RNF10: variants seen among roughly 807,000 people sequenced by gnomAD.
RNF10 encodes ring finger protein 10.
Under a neutral mutation model 91.4 loss-of-function variants are expected in RNF10, and 38 were observed. The observed-to-expected ratio is 0.42, with a 90% CI of 0.32 to 0.54. The LOEUF (loss-of-function observed/expected upper bound fraction) is 0.54. Among genes scored for constraint, RNF10 ranks in the 20% least tolerant of loss-of-function variants. RNF10 has a pLI of 0.16. For missense variants in RNF10, 945 were observed against 1,012.0 expected, an observed-to-expected ratio of 0.93 and a Z score of 0.90; for synonymous variants, 364 against 366.3, an observed-to-expected ratio of 0.99 and a Z score of 0.07.
intron 4 of RNF10, among the ~76,000 whole-genome samples, chr12:120,555,636 C>T (rs1448907147): frequency 2.6e-5 from 4 of 151,938 alleles, no homozygotes; most frequent in African/African-American, 9.7e-5. Flanking sequence ...TACAGGCACG[C>T]ACCACCACTC....
intron 3 of RNF10, among the ~76,000 whole-genome samples, chr12:120,553,545 C>T (rs763106217): frequency 7.2e-5 from 11 of 151,816 alleles, no homozygotes; most frequent in Admixed American, 2.6e-4. Context: ...GCTGGGACTA[C>T]AGGCGCCCAC....
chr12:120,556,530 CAAAAAAAAAA>C (rs34889649), intron 4 of RNF10, among the ~76,000 whole-genome samples: 3 of 19,206 alleles, frequency 1.6e-4, no homozygotes, highest in African/African-American at 6.6e-4. Context: ...GACTCCGTCT[CAAAAAAAAAA>C]AAAAAAAAAA....
chr12:120,552,423 A>C, intron 2 of RNF10, 76 bp from the exon 3 acceptor site: 1 of 1,228,530 alleles, frequency 8.1e-7, no homozygotes, highest in Non-Finnish European at 1.2e-6. Context: ...GTGTAAAAGG[A>C]GGGTTTTTTT....
At chr12:120,572,645 G>C (rs1405647694) in intron 14 of RNF10, among the ~76,000 whole-genome samples, 1 of 151,902 alleles carries the variant, frequency 6.6e-6, no homozygotes, top group Non-Finnish European at 1.5e-5. Context: ...CCCAAGGCTG[G>C]AGTGCAATGG....
At position 120,534,546 on chromosome 12, in the gene RNF10, C is replaced by T. The variant is rs1870436432; in HGVS notation, c.-266C>T. ...GCAACCTCCCTCGCCTCCCCTTCCCCCGCAGCCTCCGCCCCGCCAGGCCCG... is the reference window on the plus strand; with the variant it reads ...GCAACCTCCCTCGCCTCCCCTTCCCTCGCAGCCTCCGCCCCGCCAGGCCCG... On this transcript the variant is annotated 5_prime_UTR_variant, in exon 1 of 17. Transcript: ENST00000325954. The T allele has an allele frequency of 1.7e-6, 1 of 591,434 alleles. No homozygotes were observed. The highest frequency in any genetic ancestry group is 2.4e-6 in the Non-Finnish European group (1 of 414,808). The allele number at this position is 591,434 out of a possible 1,614,324, so 36.6% of individuals were successfully genotyped here.
chr12:120,571,134 G>GT, intron 13 of RNF10, 57 bp from the exon 14 acceptor site: 1 of 1,196,152 alleles, frequency 8.4e-7, no homozygotes. Flanking sequence ...CATCTCTCTT[G>GT]TTAAGGACAC....
At chr12:120,551,299 T>G (rs905322258) in intron 2 of RNF10, among the ~76,000 whole-genome samples, 1 of 133,812 alleles carries the variant, frequency 7.5e-6, no homozygotes, top group African/African-American at 2.6e-5. Context: ...TGTTTTTTTT[T>G]TTTTTTTTTT....
At chr12:120,544,159 A>G (rs895157005) in intron 1 of RNF10, among the ~76,000 whole-genome samples, 54 of 151,316 alleles carry the variant, frequency 3.6e-4, no homozygotes, top group African/African-American at 1.2e-3. Flanking sequence ...CCCGGGAGGT[A>G]GAGGTTGCAG....
rs112124375 is a variant in RNF10 at position 120,548,344 on chromosome 12, C to T, written c.354+1743C>T. 5.8e-4 allele frequency among the ~76,000 whole-genome samples: 88 copies of T among 151,878 alleles called. No individual in the cohort carries two copies. The Middle Eastern group carries it at 0.017, about 29-fold the overall frequency. On this transcript the variant is annotated intron_variant, in intron 2 of 16. Transcript: ENST00000325954. ...GATTAAGGAGTGAGTGTTCCAAAAA[C>T]GGATTAGGTTCAAGAACTGAACCTC...
rs1450845852 is a variant in RNF10, at chr12:120,571,060, A to G, written c.2042-131A>G. 40 of 637,578 alleles carry G rather than the reference A, an allele frequency of 6.3e-5. No homozygotes were observed. The Middle Eastern group carries it at 7.6e-4, about 12-fold the overall frequency. 39.5% of individuals were successfully genotyped at this position (637,578 alleles called of 1,614,324 possible). ...CATGGAAGAGTTGAAAGTTGGATCA[A>G]TGTTTGCTTTTTTTTTTTTGAGGGG... On this transcript the variant is annotated intron_variant, in intron 13 of 16. Coordinates refer to ENST00000325954, the MANE Select transcript of RNF10 (RefSeq NM_014868.5).
chr12:120,540,850 CTTTCTTT>C (rs1212846815), intron 1 of RNF10, among the ~76,000 whole-genome samples: 4 of 93,550 alleles, frequency 4.3e-5, no homozygotes, highest in East Asian at 3.4e-4. Context: ...TGCCAGTTTA[CTTTCTTT>C]TTTTTTTTTT....
At chr12:120,563,133 C>A in intron 8 of RNF10, 63 bp downstream of exon 8, 1 of 1,606,708 alleles carries the variant, frequency 6.2e-7, no homozygotes, top group Non-Finnish European at 8.5e-7. Context: ...AGCTGGTAGG[C>A]ATTACTGTGA....
intron 4 of RNF10, among the ~76,000 whole-genome samples, chr12:120,556,028 A>C (rs1456239846): frequency 6.6e-6 from 1 of 151,518 alleles, no homozygotes; most frequent in Admixed American, 6.6e-5. Flanking sequence ...GCTTCAAGTG[A>C]TCAACCTGTC....
chr12:120,569,538 C>CTTTTTTTTTTTTTTTTTT lies in RNF10; in HGVS notation c.2042-1642_2042-1641insTTTTTTTTTTTTTTTTTT, dbSNP rs58304342. Reference sequence around the variant, plus strand: ...TAAATACATTATTTGTGATATGCATCTTTTTTTTTTTGAGACAGGGTCTCG... The same window carrying CTTTTTTTTTTTTTTTTTT: ...TAAATACATTATTTGTGATATGCATCTTTTTTTTTTTTTTTTTTTTTTTTTTTTTGAGACAGGGTCTCG... On this transcript the variant is annotated intron_variant, in intron 13 of 16. Transcript: ENST00000325954. Among the ~76,000 whole-genome samples the CTTTTTTTTTTTTTTTTTT allele has an allele frequency of 2.5e-4, 29 of 115,232 alleles. 3 individuals carry two copies. The highest frequency in any genetic ancestry group is 3.2e-4 in the Admixed American group (3 of 9,274). The allele number at this position is 115,232 out of a possible 152,430, so 75.6% of individuals were successfully genotyped here.
chr12:120,574,170 G>A (rs532475367), intron 14 of RNF10, among the ~76,000 whole-genome samples: 3 of 152,206 alleles, frequency 2.0e-5, no homozygotes, highest in Non-Finnish European at 2.9e-5. Context: ...CACCAAAGTG[G>A]AACATAATGA....
intron 1 of RNF10, among the ~76,000 whole-genome samples, chr12:120,535,698 G>T (rs1870674186): frequency 6.6e-6 from 1 of 152,210 alleles, no homozygotes; most frequent in Admixed American, 6.5e-5. Flanking sequence ...ATTGTTGTGT[G>T]TTGGACTATA....
chr12:120,557,795 C>A, intron 6 of RNF10, 113 bp downstream of exon 6: 1 of 1,123,296 alleles, frequency 8.9e-7, no homozygotes, highest in Non-Finnish European at 1.3e-6. Context: ...CTGGCATGTT[C>A]ATATTAGTCA....
intron 2 of RNF10, 58 bp from the exon 3 acceptor site, chr12:120,552,441 C>G (rs1030918462): frequency 1.4e-6 from 2 of 1,432,006 alleles, no homozygotes; most frequent in South Asian, 1.2e-5. Context: ...TTTTGGGTTT[C>G]TGCTATAAAT....
chr12:120,534,562 G>T lies in RNF10; in HGVS notation c.-250G>T. The T allele has an allele frequency of 1.3e-6, 1 of 752,486 alleles. No individual in the cohort carries two copies. The highest frequency in any genetic ancestry group is 1.8e-6 in the Non-Finnish European group (1 of 561,194). The allele number at this position is 752,486 out of a possible 1,614,324, so 46.6% of individuals were successfully genotyped here. On this transcript the variant is annotated 5_prime_UTR_variant, in exon 1 of 17. Coordinates refer to ENST00000325954, the MANE Select transcript of RNF10 (RefSeq NM_014868.5). ...CCCCTTCCCCCGCAGCCTCCGCCCC[G>T]CCAGGCCCGGCCCGGACTCCCGAGC...
Sources: gnomAD v4.1 joint callset for allele counts (sites outside exome capture counted in the v4.1 genomes callset) on GRCh38, gnomAD v4.1.1 for gene constraint, MANE v1.5 for transcripts, NCBI Gene and HGNC (gene_info 2026-07-23, HGNC 2026-07-21) for gene names.